The following KDM2A variants were observed in gnomAD, a reference collection of about 807,000 sequenced individuals.
KDM2A encodes the protein lysine demethylase 2A, also known as lysine-specific demethylase 2A.
KDM2A carries 3 observed loss-of-function variants against 137.3 expected under a neutral mutation model. The observed-to-expected ratio is 0.02, with a 90% CI of 0.01 to 0.06. The LOEUF (loss-of-function observed/expected upper bound fraction) is 0.06. KDM2A is among the 10% of genes least tolerant of loss of function. The pLI, the probability that KDM2A is intolerant of heterozygous loss-of-function variation, is 1.00. For missense variants in KDM2A, 738 were observed against 1,510.6 expected, an observed-to-expected ratio of 0.49 and a Z score of 8.48; for synonymous variants, 512 against 541.5, an observed-to-expected ratio of 0.95 and a Z score of 0.76.
At position 67,166,851 on chromosome 11, in the gene KDM2A, C is replaced by T. The variant is rs186248060; in HGVS notation, c.43-13228C>T. Among the ~76,000 whole-genome samples, 338 of 152,128 alleles carry T rather than the reference C, an allele frequency of 2.2e-3. 4 individuals are homozygous for T. Among genetic ancestry groups the T allele is most frequent in the East Asian group, 7.9e-3 (41 of 5,158 alleles). ...CAGCAATTTGGAAGGCCAAGGCGGG[C>T]GGATCACTTGAGGTCAGGAGTTTGA... is the stretch of plus-strand genomic sequence containing the variant. On this transcript the variant is annotated intron_variant, in intron 2 of 20. Transcript: ENST00000529006.
intron 5 of KDM2A, chr11:67,196,351 G>A (rs1194155116): frequency 2.2e-6 from 1 of 456,034 alleles, no homozygotes; most frequent in East Asian, 6.9e-5. Context: ...TGTTGCCCAA[G>A]CTGGCCTTGA....
At chr11:67,148,964 T>G (rs1355837862) in intron 2 of KDM2A, 3 of 152,136 alleles carry the variant, frequency 2.0e-5, no homozygotes, top group Non-Finnish European at 4.4e-5. Flanking sequence ...TTGTAAACTA[T>G]TTATAGGTTT....
intron 2 of KDM2A, among the ~76,000 whole-genome samples, chr11:67,151,870 G>T (rs1043194736): frequency 8.6e-5 from 13 of 151,912 alleles, no homozygotes; most frequent in African/African-American, 3.1e-4. Context: ...TCAACCTCCT[G>T]CGTAGCTAGG....
chr11:67,240,455 C>T, intron 12 of KDM2A: 3 of 1,184,566 alleles, frequency 2.5e-6, no homozygotes, highest in Non-Finnish European at 3.5e-6. Context: ...GCAGGAGAAA[C>T]TGCCTGCCGG....
At position 67,127,868 on chromosome 11, in the gene KDM2A, G is replaced by A. The variant is rs1351581633; in HGVS notation, c.42+6510G>A. On this transcript the variant is annotated intron_variant, in intron 2 of 20. Coordinates refer to ENST00000529006, the MANE Select transcript of KDM2A (RefSeq NM_012308.3). ...ATTACAGGCATGCACCACCATGCCCGGCTAATTTTGTATTTTTGGTAGAGA... is the reference window on the plus strand; with the variant it reads ...ATTACAGGCATGCACCACCATGCCCAGCTAATTTTGTATTTTTGGTAGAGA... Among the ~76,000 whole-genome samples, 4 of 152,064 alleles carry A rather than the reference G, an allele frequency of 2.6e-5. No homozygotes were observed. In the East Asian group the frequency reaches 7.7e-4, roughly 29 times the overall value.
At chr11:67,181,765 C>G (rs1857095791) in intron 4 of KDM2A, 81 bp from the exon 5 acceptor site, 1 of 1,128,086 alleles carries the variant, frequency 8.9e-7, no homozygotes, top group Admixed American at 1.8e-5. Flanking sequence ...CTGGGGAGTA[C>G]TCAGTACTTT....
chr11:67,147,324 T>C (rs1476858369), intron 2 of KDM2A, among the ~76,000 whole-genome samples: 1 of 151,872 alleles, frequency 6.6e-6, no homozygotes, highest in Non-Finnish European at 1.5e-5. Flanking sequence ...GGGCCAGTCA[T>C]GAGGTCAGGA....
chr11:67,157,454 A>T (rs1245216479), intron 2 of KDM2A, among the ~76,000 whole-genome samples: 1 of 151,506 alleles, frequency 6.6e-6, no homozygotes, highest in African/African-American at 2.4e-5. Flanking sequence ...TCTCTTATTA[A>T]CATCTTGTGG....
chr11:67,151,276 GT>G (rs1233793330), intron 2 of KDM2A, among the ~76,000 whole-genome samples: 1 of 152,088 alleles, frequency 6.6e-6, no homozygotes, highest in Non-Finnish European at 1.5e-5. Flanking sequence ...CTAGCCACAG[GT>G]TGCTAGGGAG....
chr11:67,198,656 G>A (rs1427494872), intron 5 of KDM2A, among the ~76,000 whole-genome samples: 1 of 150,304 alleles, frequency 6.7e-6, no homozygotes, highest in Non-Finnish European at 1.5e-5. Context: ...GTTGCAGTGA[G>A]CTGAGATCCC....
chr11:67,215,332 A>T lies in KDM2A; in HGVS notation c.487-8A>T. 1 of 1,600,490 alleles carries T rather than the reference A, an allele frequency of 6.2e-7. No individual in the cohort carries two copies. Among genetic ancestry groups the T allele is most frequent in the African/African-American group, 1.3e-5 (1 of 74,734 alleles). The stretch of plus-strand genomic sequence containing the variant: ...TGGAGCCCAAGTGTTTCCTCCTTCT[A>T]TTTAAAGGTGGATTTCATTGACTGG... On this transcript the variant is annotated splice_region_variant and splice_polypyrimidine_tract_variant and intron_variant, in intron 6 of 20. Transcript: ENST00000529006.
In KDM2A at chr11:67,256,628, T is replaced by C. The variant is rs1313816125; in HGVS notation, c.*1573T>C. 1 of 152,640 alleles carries C rather than the reference T, an allele frequency of 6.6e-6. No homozygotes were observed. The highest frequency in any genetic ancestry group is 1.5e-5 in the Non-Finnish European group (1 of 68,088). 9.5% of individuals were successfully genotyped at this position (152,640 alleles called of 1,614,324 possible). A position where few individuals can be genotyped will look rare whatever the true frequency, so the allele number is the denominator to read the frequency against. ...CCTGAAGCCCTACAGAGTTAGGGAA[T>C]GGAGCCCAGGCACCAGGGGTCTAAA... is the stretch of plus-strand genomic sequence containing the variant. On this transcript the variant is annotated 3_prime_UTR_variant, in exon 21 of 21. Coordinates refer to ENST00000529006, the MANE Select transcript of KDM2A (RefSeq NM_012308.3).
intron 6 of KDM2A, among the ~76,000 whole-genome samples, chr11:67,210,991 A>T (rs1857960515): frequency 6.6e-6 from 1 of 152,112 alleles, no homozygotes; most frequent in Non-Finnish European, 1.5e-5. Context: ...CGGGAGGCAG[A>T]AGTTGCAGTG....
At chr11:67,192,397 A>G (rs1857376808) in intron 5 of KDM2A, among the ~76,000 whole-genome samples, 1 of 126,120 alleles carries the variant, frequency 7.9e-6, no homozygotes, top group Admixed American at 8.1e-5. Flanking sequence ...TAATTTACCC[A>G]TTCCCCACCA....
chr11:67,199,235 C>G (rs1316537799), intron 5 of KDM2A, among the ~76,000 whole-genome samples: 1 of 152,144 alleles, frequency 6.6e-6, no homozygotes. Flanking sequence ...TCCCTATTTC[C>G]TGAGACACAA....
intron 6 of KDM2A, among the ~76,000 whole-genome samples, chr11:67,213,638 AATC>A (rs1159886125): frequency 1.3e-5 from 2 of 151,854 alleles, no homozygotes; most frequent in Admixed American, 1.3e-4. Context: ...GGGTGCCTGT[AATC>A]CCAGCTACTC....
In KDM2A at chr11:67,245,401, G is replaced by A. The variant is rs746538240; in HGVS notation, c.1776G>A (p.Lys592=). Residue 592 remains lysine, a synonymous_variant, in exon 14 of 21, where the codon AAG becomes AAA. Coordinates refer to ENST00000529006, the MANE Select transcript of KDM2A (RefSeq NM_012308.3). The surrounding 1 kb of genome is among the most constrained non-coding windows in gnomAD (Gnocchi z 4.1). ...CGVCHYCRDM[K]KFGGPGRMKQ... Reference sequence around the variant, plus strand: ...TTTGCCACTACTGCAGAGACATGAAGAAGTTTGGGGGGCCTGGACGCATGA... The same window carrying A: ...TTTGCCACTACTGCAGAGACATGAAAAAGTTTGGGGGGCCTGGACGCATGA... The A allele has an allele frequency of 5.0e-6, 8 of 1,613,976 alleles. No homozygotes were observed. Among genetic ancestry groups the A allele is most frequent in the Middle Eastern group, 1.7e-4 (1 of 6,044 alleles).
intron 6 of KDM2A, among the ~76,000 whole-genome samples, chr11:67,209,040 A>G (rs1330716312): frequency 2.6e-5 from 4 of 151,812 alleles, no homozygotes; most frequent in Non-Finnish European, 4.4e-5. Flanking sequence ...GGTTCAAGCA[A>G]TTCTCCTGCC....
chr11:67,255,505 C>G lies in KDM2A; in HGVS notation c.*450C>G, dbSNP rs1859573452. On this transcript the variant is annotated 3_prime_UTR_variant, in exon 21 of 21. Transcript: ENST00000529006. The stretch of plus-strand genomic sequence containing the variant: ...GGTTCTTGTGGTGTCCAGTGCGCGT[C>G]TCTCCTCCATCACACTCTCCCGGCT... The G allele has an allele frequency of 2.2e-6, 1 of 457,422 alleles. No individual in the cohort carries two copies. Among genetic ancestry groups the G allele is most frequent in the South Asian group, 1.5e-5 (1 of 64,570 alleles). 28.3% of individuals were successfully genotyped at this position (457,422 alleles called of 1,614,324 possible).
Sources: allele counts gnomAD v4.1 joint callset (sites outside exome capture counted in the v4.1 genomes callset), GRCh38; gene constraint gnomAD v4.1.1; non-coding constraint Gnocchi (gnomAD v3.1); transcripts MANE v1.5; gene names NCBI Gene and HGNC (gene_info 2026-07-23, HGNC 2026-07-21).